Variants in CNTNAP2 observed in about 807,000 individuals in gnomAD.
The protein encoded by CNTNAP2 is contactin-associated protein-like 2.
Under a neutral mutation model 155.2 loss-of-function variants are expected in CNTNAP2, and 98 were observed. That is an observed-to-expected ratio of 0.63 (90% CI 0.54 to 0.75). The LOEUF (loss-of-function observed/expected upper bound fraction) is 0.75, where lower values mean the gene tolerates loss of function less well. Among genes scored for constraint, CNTNAP2 ranks in the 30% least tolerant of loss-of-function variants. The probability of loss-of-function intolerance (pLI) is 0.00; values close to 1 mark genes in which losing one functional copy is unlikely to be tolerated. For synonymous variants in CNTNAP2, 651 were observed against 631.2 expected, an observed-to-expected ratio of 1.03 and a Z score of -0.47; for missense variants, 1,727 against 1,688.1, an observed-to-expected ratio of 1.02 and a Z score of -0.40.
At chr7:146,257,050 C>G (rs1799850190) in intron 1 of CNTNAP2, among the ~76,000 whole-genome samples, 1 of 152,188 alleles carries the variant, frequency 6.6e-6, no homozygotes, top group Non-Finnish European at 1.5e-5. Flanking sequence ...TAGGTTCATT[C>G]AAGTTACCAC....
At chr7:147,096,695 C>T (rs1258043056) in intron 4 of CNTNAP2, among the ~76,000 whole-genome samples, 1 of 152,156 alleles carries the variant, frequency 6.6e-6, no homozygotes, top group East Asian at 1.9e-4. Context: ...AGGACTGGTT[C>T]TCGCCACAAG....
intron 3 of CNTNAP2, among the ~76,000 whole-genome samples, chr7:147,010,167 G>A (rs75434811): frequency 0.064 from 9,765 of 151,628 alleles, 520 homozygotes; most frequent in East Asian, 0.26. Flanking sequence ...GCGCAACCAC[G>A]CCAAGCTGAT....
Position 148,415,897 on chromosome 7 carries a change from A to C in CNTNAP2, c.*281A>C. 1 of 531,198 alleles carries C rather than the reference A, an allele frequency of 1.9e-6. No individual in the cohort carries two copies. Among genetic ancestry groups the C allele is most frequent in the Admixed American group, 3.3e-5 (1 of 30,240 alleles). The allele number at this position is 531,198 out of a possible 1,614,324, so 32.9% of individuals were successfully genotyped here. ...GCAATGGTTGAAATTTGTAGGTACT[A>C]TCTGTCTTATTTTGTGTGTGTTTAG... On this transcript the variant is annotated 3_prime_UTR_variant, in exon 24 of 24. Coordinates refer to ENST00000361727, the MANE Select transcript of CNTNAP2 (RefSeq NM_014141.6).
intron 1 of CNTNAP2, among the ~76,000 whole-genome samples, chr7:146,165,393 G>A (rs1453638001): frequency 1.3e-5 from 2 of 152,164 alleles, no homozygotes; most frequent in Non-Finnish European, 2.9e-5. Flanking sequence ...CTACCAAACA[G>A]TCTTAAAATC....
chr7:147,917,426 G>C (rs73743383), intron 14 of CNTNAP2, among the ~76,000 whole-genome samples: 2 of 152,190 alleles, frequency 1.3e-5, no homozygotes, highest in African/African-American at 4.8e-5. Context: ...CCAGCTCTCT[G>C]TTCTGGTGTT....
In CNTNAP2 at chr7:147,256,575, G is replaced by T. The variant is rs73742510; in HGVS notation, c.1349-43566G>T. On this transcript the variant is annotated intron_variant, in intron 8 of 23. Transcript: ENST00000361727. Reference sequence around the variant, plus strand: ...AGCCTGGACTAAGTGGTATTAAAGAGAATAAAGAGGTAGAACAATAGAAAA... The same window carrying T: ...AGCCTGGACTAAGTGGTATTAAAGATAATAAAGAGGTAGAACAATAGAAAA... Among the ~76,000 whole-genome samples the T allele has an allele frequency of 7.2e-3, 1,101 of 152,200 alleles. 8 individuals carry two copies. The highest frequency in any genetic ancestry group is 0.025 in the African/African-American group (1,046 of 41,526).
chr7:148,020,845 C>T (rs868847276), intron 15 of CNTNAP2, among the ~76,000 whole-genome samples: 1 of 152,188 alleles, frequency 6.6e-6, no homozygotes, highest in Non-Finnish European at 1.5e-5. Flanking sequence ...CCCAGCATGA[C>T]TTGAATGCTA....
At chr7:147,341,516 A>G (rs1046035796) in intron 9 of CNTNAP2, among the ~76,000 whole-genome samples, 1 of 152,114 alleles carries the variant, frequency 6.6e-6, no homozygotes, top group Non-Finnish European at 1.5e-5. Context: ...ATTGTCTGAG[A>G]AGTTGGTTGA....
chr7:146,329,162 C>G (rs950973503), intron 1 of CNTNAP2, among the ~76,000 whole-genome samples: 1 of 152,190 alleles, frequency 6.6e-6, no homozygotes, highest in Admixed American at 6.5e-5. Context: ...TCCCTTTTCT[C>G]TACATCGTGG....
At chr7:147,086,292 G>A (rs1274010460) in intron 4 of CNTNAP2, among the ~76,000 whole-genome samples, 1 of 151,916 alleles carries the variant, frequency 6.6e-6, no homozygotes, top group Non-Finnish European at 1.5e-5. Context: ...ACAAAAATAT[G>A]AAACAAAGAA....
chr7:147,506,746 A>T (rs920516880), intron 11 of CNTNAP2, among the ~76,000 whole-genome samples: 1 of 152,232 alleles, frequency 6.6e-6, no homozygotes, highest in African/African-American at 2.4e-5. Context: ...GGCCACTAAC[A>T]TCTACCCACT....
chr7:147,329,717 A>C (rs1460972714), intron 9 of CNTNAP2, among the ~76,000 whole-genome samples: 1 of 149,184 alleles, frequency 6.7e-6, no homozygotes, highest in Non-Finnish European at 1.5e-5. Context: ...GTTCTTACTT[A>C]GTATATCTCA....
intron 1 of CNTNAP2, among the ~76,000 whole-genome samples, chr7:146,525,202 G>A (rs1424990521): frequency 6.6e-6 from 1 of 152,022 alleles, no homozygotes; most frequent in African/African-American, 2.4e-5. Context: ...GGCTATTTGT[G>A]TGTATAGATT....
intron 11 of CNTNAP2, among the ~76,000 whole-genome samples, chr7:147,538,632 A>T (rs1799589058): frequency 6.6e-6 from 1 of 152,174 alleles, no homozygotes; most frequent in South Asian, 2.1e-4. Context: ...CCTGGGAAAC[A>T]GAGTGAGATT....
At chr7:147,273,207 A>G (rs1804801029) in intron 8 of CNTNAP2, among the ~76,000 whole-genome samples, 1 of 152,098 alleles carries the variant, frequency 6.6e-6, no homozygotes, top group Non-Finnish European at 1.5e-5. Flanking sequence ...TCGCGCCGAA[A>G]TTTACAGTCT....
At chr7:147,837,897 C>T (rs570495918) in intron 13 of CNTNAP2, among the ~76,000 whole-genome samples, 10 of 152,282 alleles carry the variant, frequency 6.6e-5, no homozygotes, top group Non-Finnish European at 1.3e-4. Context: ...CTCCTGACTG[C>T]TTTCATGGGC....
intron 1 of CNTNAP2, among the ~76,000 whole-genome samples, chr7:146,273,319 T>A (rs933208821): frequency 1.9e-4 from 29 of 152,220 alleles, no homozygotes; most frequent in Admixed American, 1.0e-3. Flanking sequence ...TTCACAACTA[T>A]AACTAGGCCA....
intron 21 of CNTNAP2, among the ~76,000 whole-genome samples, chr7:148,297,197 G>GAAGGAAGGAAGGAAGC (rs1320518759): frequency 3.0e-4 from 45 of 151,150 alleles, no homozygotes; most frequent in African/African-American, 1.1e-3. Flanking sequence ...AGGAAGGAAG[G>GAAGGAAGGAAGGAAGC]AAGGAAGGAA....
intron 1 of CNTNAP2, among the ~76,000 whole-genome samples, chr7:146,189,406 C>G (rs1798670817): frequency 6.6e-6 from 1 of 152,116 alleles, no homozygotes; most frequent in Admixed American, 6.5e-5. Context: ...GTCCTATGCC[C>G]ATTCAAGGCT....
Sources: gnomAD v4.1 joint callset for allele counts (sites outside exome capture counted in the v4.1 genomes callset) on GRCh38, gnomAD v4.1.1 for gene constraint, MANE v1.5 for transcripts, NCBI Gene and HGNC (gene_info 2026-07-23, HGNC 2026-07-21) for gene names.